The following RALB variants were observed in gnomAD, a reference collection of about 807,000 sequenced individuals.
The protein encoded by RALB is ras-related protein Ral-B.
In RALB, 16 loss-of-function variants were observed where a neutral mutation model predicts 21.3. The observed-to-expected ratio is 0.75, with a 90% CI of 0.51 to 1.14. The LOEUF (loss-of-function observed/expected upper bound fraction) is 1.14, where lower values mean the gene tolerates loss of function less well. Ranked by LOEUF, RALB falls within the 50% of genes most tolerant of loss-of-function variation. RALB has a pLI of 0.00. For missense variants in RALB, 161 were observed against 256.2 expected (o/e 0.63, Z 2.54); for synonymous variants, 93 against 96.1 (o/e 0.97, Z 0.19).
chr2:120,241,453 T>C (rs931157677), intron 1 of RALB, among the ~76,000 whole-genome samples: 3 of 152,168 alleles, frequency 2.0e-5, no homozygotes, highest in African/African-American at 7.2e-5. Flanking sequence ...GGGCCAGGCA[T>C]GGTGGCTCAT....
At chr2:120,244,305 G>GCTCAGT (rs1688937112) in intron 1 of RALB, among the ~76,000 whole-genome samples, 1 of 152,208 alleles carries the variant, frequency 6.6e-6, no homozygotes, top group East Asian at 1.9e-4. Context: ...CCAGGCTCAG[G>GCTCAGT]CCCAGCCCGT....
chr2:120,256,407 C>T (rs1451991206), intron 1 of RALB, among the ~76,000 whole-genome samples: 2 of 152,014 alleles, frequency 1.3e-5, no homozygotes, highest in Non-Finnish European at 1.5e-5. Context: ...CTACCCAAAT[C>T]TCACCTTGAA....
chr2:120,278,389 G>A (rs1255799702), intron 1 of RALB, among the ~76,000 whole-genome samples: 1 of 152,202 alleles, frequency 6.6e-6, no homozygotes, highest in East Asian at 1.9e-4. Flanking sequence ...CGGGCGTGGG[G>A]TGTGCGCTCC....
At chr2:120,271,405 T>C (rs1421245205) in intron 1 of RALB, among the ~76,000 whole-genome samples, 3 of 152,354 alleles carry the variant, frequency 2.0e-5, no homozygotes, top group Admixed American at 1.3e-4. Flanking sequence ...ACAAGTCATC[T>C]AAGTGGACAT....
At chr2:120,269,298 C>T (rs988268575) in intron 1 of RALB, among the ~76,000 whole-genome samples, 22 of 152,174 alleles carry the variant, frequency 1.4e-4, no homozygotes, top group African/African-American at 5.1e-4. Context: ...AGCCGCAAAC[C>T]TTCGCAGTGA....
intron 1 of RALB, among the ~76,000 whole-genome samples, chr2:120,265,440 A>G (rs1393297322): frequency 6.6e-6 from 1 of 152,262 alleles, no homozygotes; most frequent in Non-Finnish European, 1.5e-5. Context: ...TATTTGGTGC[A>G]TGACTGTATA....
intron 1 of RALB, among the ~76,000 whole-genome samples, chr2:120,266,466 C>G (rs898999831): frequency 6.6e-6 from 1 of 152,178 alleles, no homozygotes; most frequent in African/African-American, 2.4e-5. Flanking sequence ...CCAGGATGGT[C>G]TCAATCTCTT....
rs1010770417 is a variant in RALB at position 120,283,876 on chromosome 2, A to G, written c.115-1998A>G. Among the ~76,000 whole-genome samples, 11 of 152,204 alleles carry G rather than the reference A, an allele frequency of 7.2e-5. No homozygotes were observed. In the South Asian group the frequency reaches 2.1e-3, roughly 29 times the overall value. On this transcript the variant is annotated intron_variant, in intron 2 of 4. Coordinates refer to ENST00000272519, the MANE Select transcript of RALB (RefSeq NM_002881.3). ...TTCTGTTTCCAGCTGAGCAATGTAAATAAACATCAGGGTTGTAATGGAATG... is the reference window on the plus strand; with the variant it reads ...TTCTGTTTCCAGCTGAGCAATGTAAGTAAACATCAGGGTTGTAATGGAATG...
chr2:120,254,624 G>T (rs1689151023), intron 1 of RALB, among the ~76,000 whole-genome samples: 1 of 152,192 alleles, frequency 6.6e-6, no homozygotes, highest in Non-Finnish European at 1.5e-5. Flanking sequence ...TGCCTTGACT[G>T]AAGATGGCTT....
At chr2:120,253,981 G>A (rs764488703) in intron 1 of RALB, among the ~76,000 whole-genome samples, 3 of 152,160 alleles carry the variant, frequency 2.0e-5, no homozygotes, top group Non-Finnish European at 4.4e-5. Flanking sequence ...TCCAAGCAGA[G>A]CCATAAGATT....
At chr2:120,290,199 G>C (rs950885099) in intron 4 of RALB, among the ~76,000 whole-genome samples, 1 of 152,096 alleles carries the variant, frequency 6.6e-6, no homozygotes, top group African/African-American at 2.4e-5. Flanking sequence ...ATGTTGCCCA[G>C]GGTGGTCTCA....
intron 1 of RALB, among the ~76,000 whole-genome samples, chr2:120,254,709 G>A (rs1360841854): frequency 6.6e-6 from 1 of 152,044 alleles, no homozygotes; most frequent in Admixed American, 6.6e-5. Flanking sequence ...GCAGAGTCTT[G>A]CGCTATTTCC....
chr2:120,280,323 G>T (rs575612009), intron 2 of RALB, among the ~76,000 whole-genome samples: 10 of 152,254 alleles, frequency 6.6e-5, no homozygotes, highest in African/African-American at 2.4e-4. Context: ...ATCAAAGATA[G>T]ACTGGATAAA....
At chr2:120,285,365 A>T (rs1000614226) in intron 2 of RALB, among the ~76,000 whole-genome samples, 2 of 152,198 alleles carry the variant, frequency 1.3e-5, no homozygotes, top group African/African-American at 4.8e-5. Flanking sequence ...TTGGGTGGGG[A>T]TGCAGAACCA....
intron 1 of RALB, among the ~76,000 whole-genome samples, chr2:120,258,861 G>A (rs879404554): frequency 2.0e-5 from 3 of 152,114 alleles, no homozygotes; most frequent in Admixed American, 2.0e-4. Context: ...ATGAAGCCGC[G>A]GACCCTCGCG....
chr2:120,293,258 T>C lies in RALB; in HGVS notation c.619T>C (p.Ter207ArgextTer4). The C allele has an allele frequency of 1.2e-6, 2 of 1,611,842 alleles. No homozygotes were observed. The highest frequency in any genetic ancestry group is 1.7e-6 in the Non-Finnish European group (2 of 1,178,760). ...TTTTAAAGAAAGATGTTGCTTACTA[T>C]GAGTGTCAAGGTGACGGATGAAGCC... ...KSFKERCCLL[*>R] The change falls in exon 5 of 5, where the codon TGA becomes CGA. Residue 207 changes from the stop codon to arginine (R), a stop_lost. Coordinates refer to ENST00000272519, the MANE Select transcript of RALB (RefSeq NM_002881.3).
intron 1 of RALB, among the ~76,000 whole-genome samples, chr2:120,277,631 T>C (rs1689848435): frequency 6.7e-6 from 1 of 150,016 alleles, no homozygotes; most frequent in South Asian, 2.1e-4. Flanking sequence ...AGCTTGTGAG[T>C]GTACATGAGC....
At chr2:120,267,100 A>G (rs1689523028) in intron 1 of RALB, among the ~76,000 whole-genome samples, 1 of 152,222 alleles carries the variant, frequency 6.6e-6, no homozygotes, top group South Asian at 2.1e-4. Flanking sequence ...GCATGTGCAC[A>G]GAGGTACAGA....
intron 1 of RALB, among the ~76,000 whole-genome samples, chr2:120,259,765 TGGGTGGTCGATG>T (rs1224364703): frequency 6.6e-6 from 1 of 152,212 alleles, no homozygotes; most frequent in East Asian, 1.9e-4. Context: ...CCTCAGCCCT[TGGGTGGTCGATG>T]GGACTGGGCG....
Sources: gnomAD v4.1 joint callset for allele counts (sites outside exome capture counted in the v4.1 genomes callset) on GRCh38, gnomAD v4.1.1 for gene constraint, MANE v1.5 for transcripts, NCBI Gene and HGNC (gene_info 2026-07-23, HGNC 2026-07-21) for gene names.